The following SPAG17 variants were observed in gnomAD, a reference collection of about 807,000 sequenced individuals.
The protein encoded by SPAG17 is sperm-associated antigen 17.
In SPAG17, 169 loss-of-function variants were observed where a neutral mutation model predicts 273.6. The observed-to-expected ratio is 0.62, with a 90% confidence interval of 0.55 to 0.70. SPAG17 has a LOEUF of 0.70. Among genes scored for constraint, SPAG17 ranks in the 30% least tolerant of loss-of-function variants. The pLI, the probability that SPAG17 is intolerant of heterozygous loss-of-function variation, is 0.00. For missense variants in SPAG17, 2,557 were observed against 2,627.8 expected, an observed-to-expected ratio of 0.97 and a Z score of 0.59; for synonymous variants, 825 against 873.2, an observed-to-expected ratio of 0.94 and a Z score of 0.97.
chr1:117,988,065 T>C (rs1656638021), intron 39 of SPAG17, 40 bp downstream of exon 39: 1 of 1,531,918 alleles, frequency 6.5e-7, no homozygotes, highest in South Asian at 1.3e-5. Flanking sequence ...AATCACTGCA[T>C]ACCTAATACT....
chr1:118,089,783 G>A (rs1420789610), intron 10 of SPAG17, among the ~76,000 whole-genome samples: 1 of 152,130 alleles, frequency 6.6e-6, no homozygotes, highest in African/African-American at 2.4e-5. Flanking sequence ...TGGGTGATAC[G>A]GTTTGGCTCT....
chr1:118,102,353 A>C (rs1318822494), intron 4 of SPAG17, among the ~76,000 whole-genome samples: 1 of 152,238 alleles, frequency 6.6e-6, no homozygotes, highest in Admixed American at 6.5e-5. Context: ...ATTAAAAACA[A>C]AACAAGAATT....
Position 118,068,909 on chromosome 1 carries a change from A to G in SPAG17, c.2386-2010T>C, listed in dbSNP as rs565382051. Reference sequence around the variant, plus strand: ...GTTGGGACTACAGACCTGTGGCTTTATAGATTATTTTGGAGTTGAAGGAGG... The same window carrying G: ...GTTGGGACTACAGACCTGTGGCTTTGTAGATTATTTTGGAGTTGAAGGAGG... On this transcript the variant is annotated intron_variant, in intron 17 of 48. Coordinates refer to ENST00000336338, the MANE Select transcript of SPAG17 (RefSeq NM_206996.4). Among the ~76,000 whole-genome samples, 3 of 152,224 alleles carry G rather than the reference A, an allele frequency of 2.0e-5. 1 individual carries two copies. The South Asian group carries it at 6.2e-4, about 32-fold the overall frequency.
intron 3 of SPAG17, among the ~76,000 whole-genome samples, chr1:118,126,077 G>A (rs185536044): frequency 4.7e-4 from 67 of 141,844 alleles, no homozygotes; most frequent in African/African-American, 1.5e-3. Context: ...CCATTCTAAC[G>A]GGTGAAATCA....
intron 4 of SPAG17, among the ~76,000 whole-genome samples, chr1:118,108,010 A>T (rs1418264341): frequency 6.6e-6 from 1 of 152,198 alleles, no homozygotes; most frequent in Non-Finnish European, 1.5e-5. Context: ...TATGTAGACA[A>T]TAAAACTGAA....
chr1:118,041,826 G>C lies in SPAG17; in HGVS notation c.3031C>G (p.Pro1011Ala), dbSNP rs1033449898. The change falls in exon 21 of 49, where the codon CCA (proline) becomes GCA (alanine). Residue 1011 changes from proline (P) to alanine (A), a missense_variant. Physicochemically the swap from Pro to Ala is conservative, Grantham distance 27. Coordinates refer to ENST00000336338, the MANE Select transcript of SPAG17 (RefSeq NM_206996.4). ...ACCGGGTAAGTTATCTTAGGTTCTG[G>C]TTGGTGGGGGGACTCTTCTGTTACT... ...QEVTEESPHQ[P>A]EPKITYPFHG... The C allele has an allele frequency of 1.9e-6, 3 of 1,612,724 alleles. No individual in the cohort carries two copies. Among genetic ancestry groups the C allele is most frequent in the Non-Finnish European group, 2.5e-6 (3 of 1,179,648 alleles).
At chr1:117,955,690 A>G (rs1652096798) in intron 48 of SPAG17, among the ~76,000 whole-genome samples, 1 of 151,924 alleles carries the variant, frequency 6.6e-6, no homozygotes, top group South Asian at 2.1e-4. Flanking sequence ...ACACAATTGG[A>G]ATATTATATA....
rs1184823290 is a variant in SPAG17, at chr1:118,042,027, G to A, written c.2830C>T (p.Gln944Ter). Reference protein sequence around the residue: ...EGSLKAWKEEQHRLAEEERLR... With the variant: ...EGSLKAWKEE Reference sequence around the variant, plus strand: ...CGCTCCTCTTCTGCTAATCGATGTTGCTCTTCTTTCCATGCCTGTAAACAC... The same window carrying A: ...CGCTCCTCTTCTGCTAATCGATGTTACTCTTCTTTCCATGCCTGTAAACAC... Residue 944 changes from glutamine (Q) to a stop codon, truncating the protein, a stop_gained, in exon 21 of 49, where the codon CAA (glutamine) becomes TAA (stop). Coordinates refer to ENST00000336338, the MANE Select transcript of SPAG17 (RefSeq NM_206996.4). LOFTEE classifies it high-confidence loss of function. The A allele has an allele frequency of 6.2e-7, 1 of 1,611,468 alleles. No homozygotes were observed. Among genetic ancestry groups the A allele is most frequent in the Admixed American group, 1.7e-5 (1 of 59,450 alleles).
In SPAG17 at chr1:118,008,308, A is replaced by G. The variant is rs1049514652; in HGVS notation, c.4433-110T>C. Reference sequence around the variant, plus strand: ...CCTGGCTGTCTGGATTCCCCATGGAAAAAACACAATTGTAAAGTCTAGAGC... The same window carrying G: ...CCTGGCTGTCTGGATTCCCCATGGAGAAAACACAATTGTAAAGTCTAGAGC... On this transcript the variant is annotated intron_variant, in intron 30 of 48. Transcript: ENST00000336338. 6.3e-6 allele frequency: 8 copies of G among 1,270,900 alleles called. No individual in the cohort carries two copies. In the African/African-American group the frequency reaches 7.4e-5, roughly 12 times the overall value. 78.7% of individuals were successfully genotyped at this position (1,270,900 alleles called of 1,614,324 possible). A position where few individuals can be genotyped will look rare whatever the true frequency, so the allele number is the denominator to read the frequency against.
At chr1:118,040,000 AAT>A (rs1649548951) in intron 22 of SPAG17, among the ~76,000 whole-genome samples, 1 of 152,146 alleles carries the variant, frequency 6.6e-6, no homozygotes, top group Non-Finnish European at 1.5e-5. Flanking sequence ...GCCTATAATC[AAT>A]GTTATGATTC....
At chr1:117,976,452 C>G (rs909373314) in intron 43 of SPAG17, among the ~76,000 whole-genome samples, 1 of 152,220 alleles carries the variant, frequency 6.6e-6, no homozygotes, top group African/African-American at 2.4e-5. Flanking sequence ...GAAGATATTT[C>G]TGCTCCATTG....
Position 118,028,935 on chromosome 1 carries a change from G to T in SPAG17, c.3610-541C>A, listed in dbSNP as rs146901093. Among the ~76,000 whole-genome samples, 146 of 152,264 alleles carry T rather than the reference G, an allele frequency of 9.6e-4. 2 individuals carry two copies. The highest frequency in any genetic ancestry group is 3.4e-3 in the African/African-American group (143 of 41,558). On this transcript the variant is annotated intron_variant, in intron 25 of 48. Coordinates refer to ENST00000336338, the MANE Select transcript of SPAG17 (RefSeq NM_206996.4). Reference sequence around the variant, plus strand: ...TGCCTCTTCCTCTTCTGCCATGTGAGGACACATTGAAGGAACCATCTCTAT... The same window carrying T: ...TGCCTCTTCCTCTTCTGCCATGTGATGACACATTGAAGGAACCATCTCTAT...
chr1:118,123,701 C>A (rs1330269878), intron 3 of SPAG17, among the ~76,000 whole-genome samples: 6 of 152,138 alleles, frequency 3.9e-5, no homozygotes, highest in African/African-American at 1.4e-4. Context: ...TCATTGGACC[C>A]CTTACATCTG....
At chr1:118,183,956 A>G (rs944851521) in intron 1 of SPAG17, among the ~76,000 whole-genome samples, 2 of 152,246 alleles carry the variant, frequency 1.3e-5, no homozygotes, top group African/African-American at 4.8e-5. Context: ...ATCCAGCATT[A>G]CTAAAGTTAT....
intron 15 of SPAG17, among the ~76,000 whole-genome samples, chr1:118,079,172 A>G (rs1458936806): frequency 2.0e-5 from 3 of 152,108 alleles, no homozygotes; most frequent in South Asian, 2.1e-4. Flanking sequence ...AGTGTTTGGT[A>G]TCAGTTACCA....
At chr1:118,136,906 T>C (rs1047048166) in intron 3 of SPAG17, among the ~76,000 whole-genome samples, 1 of 151,992 alleles carries the variant, frequency 6.6e-6, no homozygotes, top group Non-Finnish European at 1.5e-5. Flanking sequence ...TGCTTTTGCA[T>C]AGGGAATTGA....
chr1:118,122,550 T>C (rs1475134474), intron 3 of SPAG17, among the ~76,000 whole-genome samples: 1 of 151,988 alleles, frequency 6.6e-6, no homozygotes, highest in East Asian at 1.9e-4. Flanking sequence ...CCATAGGAGG[T>C]TTTTCTGTGA....
intron 48 of SPAG17, chr1:117,959,347 CA>C (rs746307773): frequency 6.2e-7 from 1 of 1,613,424 alleles, no homozygotes; most frequent in Admixed American, 1.7e-5. Context: ...GAATGCGAGG[CA>C]AAAAGTGAAG....
intron 1 of SPAG17, among the ~76,000 whole-genome samples, chr1:118,159,917 G>A (rs1659829936): frequency 6.6e-6 from 1 of 152,142 alleles, no homozygotes; most frequent in Non-Finnish European, 1.5e-5. Context: ...GCTCCATTAT[G>A]TTAGTACAAT....
Sources: gnomAD v4.1 joint callset for allele counts (sites outside exome capture counted in the v4.1 genomes callset) on GRCh38, gnomAD v4.1.1 for gene constraint, MANE v1.5 for transcripts, NCBI Gene and HGNC (gene_info 2026-07-23, HGNC 2026-07-21) for gene names.